Variants in ZC3H12B observed in about 807,000 individuals in gnomAD.
ZC3H12B encodes probable ribonuclease ZC3H12B.
In ZC3H12B, 7 loss-of-function variants were observed where a neutral mutation model predicts 43.9. The observed-to-expected ratio is 0.16, with a 90% CI of 0.09 to 0.30. The LOEUF is 0.30. Among genes scored for constraint, ZC3H12B ranks in the 10% least tolerant of loss-of-function variants. The pLI is 1.00. For synonymous variants in ZC3H12B, 222 were observed against 241.7 expected (o/e 0.92, Z 0.76); for missense variants, 475 against 670.2 (o/e 0.71, Z 3.22).
chrX:65,138,154 AGTCACCAAG>A, the ZC3H12B span, among the ~76,000 whole-genome samples: 5 of 112,477 alleles, frequency 4.4e-5, no homozygotes, highest in Non-Finnish European at 9.4e-5. Flanking sequence ...TGCTAACTAT[AGTCACCAAG>A]TTGTATAATA....
chrX:65,445,626 C>G (rs912273922), intron 3 of ZC3H12B, among the ~76,000 whole-genome samples: 1 of 112,366 alleles, frequency 8.9e-6, no homozygotes, highest in African/African-American at 3.2e-5. Context: ...GTGGGTCTCA[C>G]CCATGGTCTG....
the ZC3H12B span, among the ~76,000 whole-genome samples, chrX:65,100,618 G>T: frequency 1.4e-5 from 1 of 73,899 alleles, no homozygotes; most frequent in African/African-American, 5.5e-5. Flanking sequence ...CTTAGTCTCT[G>T]ATAAAACAGA....
At chrX:65,382,002 A>G (rs1250861830) in intron 2 of ZC3H12B, among the ~76,000 whole-genome samples, 1 of 112,077 alleles carries the variant, frequency 8.9e-6, no homozygotes. Context: ...AGATGGATTC[A>G]CAGCCGATTC....
At chrX:65,180,012 G>A in the ZC3H12B span, among the ~76,000 whole-genome samples, 4 of 111,592 alleles carry the variant, frequency 3.6e-5, no homozygotes, top group Non-Finnish European at 5.6e-5. Context: ...TATGAGGCCG[G>A]CATCGTCCTG....
At chrX:65,167,775 C>G in the ZC3H12B span, among the ~76,000 whole-genome samples, 29 of 111,433 alleles carry the variant, frequency 2.6e-4, no homozygotes, top group South Asian at 0.011. Context: ...AGTTAGATTC[C>G]TAGGTATTTT....
chrX:65,495,959 G>A lies in ZC3H12B; in HGVS notation c.609-1173G>A, dbSNP rs755430309. Among the ~76,000 whole-genome samples, 6 of 111,260 alleles carry A rather than the reference G, an allele frequency of 5.4e-5. No homozygotes were observed. In the South Asian group the frequency reaches 2.3e-3, roughly 42 times the overall value. On this transcript the variant is annotated intron_variant, in intron 1 of 4. Transcript: ENST00000338957. ...TGGGCTCAAACAATTCTCCCACCTC[G>A]GCATCCCAACCTGCTGGGATTACAG...
chrX:65,285,116 A>T, the ZC3H12B span, among the ~76,000 whole-genome samples: 1 of 109,808 alleles, frequency 9.1e-6, no homozygotes, highest in African/African-American at 3.3e-5. Flanking sequence ...AATAATTATT[A>T]TTATTATTAT....
chrX:65,307,271 A>T, the ZC3H12B span, among the ~76,000 whole-genome samples: 3 of 112,198 alleles, frequency 2.7e-5, no homozygotes, highest in Non-Finnish European at 3.8e-5. Context: ...CCAGTCAAAA[A>T]TTACTATAAC....
the ZC3H12B span, among the ~76,000 whole-genome samples, chrX:65,333,103 A>C: frequency 7.9e-4 from 88 of 111,002 alleles, no homozygotes; most frequent in African/African-American, 2.6e-3. Context: ...CCTAATATAA[A>C]CTTGGGGCTC....
At chrX:65,337,177 C>A in the ZC3H12B span, among the ~76,000 whole-genome samples, 1 of 111,509 alleles carries the variant, frequency 9.0e-6, no homozygotes, top group African/African-American at 3.3e-5. Context: ...GGTACCCCAC[C>A]ACTTACCCAA....
the ZC3H12B span, among the ~76,000 whole-genome samples, chrX:65,282,835 C>G: frequency 7.2e-5 from 8 of 111,626 alleles, no homozygotes; most frequent in African/African-American, 9.8e-5. Flanking sequence ...TAACTAATAG[C>G]CTGCCAACAA....
At chrX:65,092,423 A>G in the ZC3H12B span, among the ~76,000 whole-genome samples, 1 of 111,661 alleles carries the variant, frequency 9.0e-6, no homozygotes, top group Non-Finnish European at 1.9e-5. Context: ...AGATAGGAAG[A>G]TGAGGGAAAA....
chrX:65,408,634 G>A, intron 3 of ZC3H12B: 1 of 1,076,610 alleles, frequency 9.3e-7, no homozygotes, highest in Non-Finnish European at 1.3e-6. Flanking sequence ...ATGACAAGAA[G>A]CATCAAGATG....
At chrX:65,266,675 C>T in the ZC3H12B span, among the ~76,000 whole-genome samples, 1 of 111,508 alleles carries the variant, frequency 9.0e-6, no homozygotes, top group East Asian at 2.8e-4. Flanking sequence ...GTTCCTGATG[C>T]AAGTTGCTAC....
exon 5 of ZC3H12B, chrX:65,506,884 C>T (rs1045800239): frequency 1.8e-5 from 2 of 110,520 alleles, no homozygotes; most frequent in Non-Finnish European, 3.8e-5. Flanking sequence ...ATGACAGATG[C>T]CTTATGGAAA....
the ZC3H12B span, among the ~76,000 whole-genome samples, chrX:65,354,151 A>G: frequency 9.0e-6 from 1 of 111,729 alleles, no homozygotes; most frequent in Non-Finnish European, 1.9e-5. Context: ...TGGGTCCCTA[A>G]CTCCTGTGTA....
rs760773494 is a variant in ZC3H12B, at chrX:65,392,925, C to CTGT, written n.296-5666_296-5664dup. Among the ~76,000 whole-genome samples the CTGT allele has an allele frequency of 1.4e-4, 16 of 112,710 alleles. No homozygotes were observed. The South Asian group carries it at 5.8e-3, about 41-fold the overall frequency. On this transcript the variant is annotated intron_variant and non_coding_transcript_variant, in intron 2 of 5. Transcript: ENST00000617377. ...AGAAAAATTCTTCTGCTTTGGGATG[C>CTGT]TGTTAATGTATAACCTTACCCCAAC...
the ZC3H12B span, among the ~76,000 whole-genome samples, chrX:65,167,905 A>T: frequency 4.0e-4 from 45 of 112,160 alleles, no homozygotes; most frequent in East Asian, 0.011. Context: ...GACTTTCCTG[A>T]AGTTGCTTAT....
the ZC3H12B span, among the ~76,000 whole-genome samples, chrX:65,295,311 G>A: frequency 9.0e-6 from 1 of 111,725 alleles, no homozygotes. Context: ...TGATTATTGG[G>A]TCAACAATAA....
Sources: allele counts gnomAD v4.1 joint callset (sites outside exome capture counted in the v4.1 genomes callset), GRCh38; gene constraint gnomAD v4.1.1; transcripts MANE v1.5; gene names NCBI Gene and HGNC (gene_info 2026-07-23, HGNC 2026-07-21).